Variants in SDHAF2 observed in about 807,000 individuals in gnomAD.
SDHAF2 encodes succinate dehydrogenase complex assembly factor 2.
Under a neutral mutation model 18.5 loss-of-function variants are expected in SDHAF2, and 21 were observed. That is an observed-to-expected ratio of 1.13 (90% CI 0.80 to 1.63). The LOEUF (loss-of-function observed/expected upper bound fraction) is 1.63, where lower values mean the gene tolerates loss of function less well. Among genes scored for constraint, SDHAF2 ranks in the 40% most tolerant of loss-of-function variants. The pLI is 0.00. For missense variants in SDHAF2, 195 were observed against 200.3 expected (o/e 0.97, Z 0.16); for synonymous variants, 84 against 70.7 (o/e 1.19, Z -0.94).
chr11:61,444,787 G>T (rs1862118181), intron 3 of SDHAF2, among the ~76,000 whole-genome samples: 1 of 152,084 alleles, frequency 6.6e-6, no homozygotes, highest in Non-Finnish European at 1.5e-5. Flanking sequence ...TTACCCATTT[G>T]TATGATGTCC....
intron 3 of SDHAF2, among the ~76,000 whole-genome samples, chr11:61,439,373 A>G (rs983852655): frequency 2.6e-5 from 4 of 152,324 alleles, no homozygotes; most frequent in African/African-American, 9.6e-5. Flanking sequence ...GATCCCGCTC[A>G]GGAAATTATC....
At chr11:61,439,273 C>T (rs1862035579) in intron 3 of SDHAF2, among the ~76,000 whole-genome samples, 1 of 152,166 alleles carries the variant, frequency 6.6e-6, no homozygotes, top group South Asian at 2.1e-4. Context: ...GCTGCTCTTT[C>T]ATCCTAGCAT....
chr11:61,437,482 G>T, intron 1 of SDHAF2, 143 bp from the exon 2 acceptor site: 2 of 798,850 alleles, frequency 2.5e-6, no homozygotes, highest in Non-Finnish European at 4.4e-6. Context: ...GATTACAGGT[G>T]TGCGCCACCA....
rs546992794 is a variant in SDHAF2 at position 61,442,861 on chromosome 11, C to T, written c.371-3080C>T. ...CTCTGCCTCCTGGGTCCAAGCGATT[C>T]TTGTGCCTCAGGCTCCTGAGCAACT... On this transcript the variant is annotated intron_variant, in intron 3 of 3. Coordinates refer to ENST00000301761, the MANE Select transcript of SDHAF2 (RefSeq NM_017841.4). Among the ~76,000 whole-genome samples the T allele has an allele frequency of 2.6e-5, 4 of 152,338 alleles. No homozygotes were observed. The South Asian group carries it at 8.3e-4, about 32-fold the overall frequency.
At chr11:61,438,824 C>T (rs969119167) in intron 3 of SDHAF2, among the ~76,000 whole-genome samples, 21 of 152,118 alleles carry the variant, frequency 1.4e-4, no homozygotes, top group Admixed American at 3.9e-4. Flanking sequence ...GCGGATGGAT[C>T]GCTTGAGGTT....
At chr11:61,442,762 T>C (rs544002778) in intron 3 of SDHAF2, among the ~76,000 whole-genome samples, 3 of 152,264 alleles carry the variant, frequency 2.0e-5, no homozygotes, top group African/African-American at 7.2e-5. Flanking sequence ...GGGTTTTGTT[T>C]TTTGTTTTTT....
Position 61,445,955 on chromosome 11 carries a change from C to T in SDHAF2, c.385C>T (p.Pro129Ser), listed in dbSNP as rs1060503391. The change falls in exon 4 of 4, where the codon CCA becomes TCA. Residue 129 changes from proline to serine, a missense_variant. Physicochemically the swap from Pro to Ser is moderately conservative, Grantham distance 74. Coordinates refer to ENST00000301761, the MANE Select transcript of SDHAF2 (RefSeq NM_017841.4). ...YYWATEAKPAPEIFENEVMAL... is the reference protein window; with the variant it reads ...YYWATEAKPASEIFENEVMAL... ...TTCTCTTGCAGAAGCTAAACCAGCC[C>T]CAGAAATATTTGAAAATGAAGTCAT... 6 of 1,614,086 alleles carry T rather than the reference C, an allele frequency of 3.7e-6. No individual in the cohort carries two copies. The highest frequency in any genetic ancestry group is 1.3e-5 in the African/African-American group (1 of 75,006).
rs886405444 is a variant in SDHAF2, at chr11:61,446,683, T to C, written c.*612T>C. On this transcript the variant is annotated 3_prime_UTR_variant, in exon 4 of 4. Transcript: ENST00000301761. ...TCATCATTGGGCTTTCTTTAAAACG[T>C]GCACTTTGTAATTTGAAAGAGAATT... The C allele has an allele frequency of 5.0e-6, 2 of 399,646 alleles. No individual in the cohort carries two copies. Among genetic ancestry groups the C allele is most frequent in the Non-Finnish European group, 8.8e-6 (2 of 226,892 alleles). 24.8% of individuals were successfully genotyped at this position (399,646 alleles called of 1,614,324 possible).
At chr11:61,445,754 G>A (rs1167959800) in intron 3 of SDHAF2, among the ~76,000 whole-genome samples, 187 bp from the exon 4 acceptor site, 1 of 152,172 alleles carries the variant, frequency 6.6e-6, no homozygotes, top group African/African-American at 2.4e-5. Context: ...AAAACGACTT[G>A]CAAATATAGG....
chr11:61,440,443 G>A (rs903557051), intron 3 of SDHAF2, among the ~76,000 whole-genome samples: 2 of 151,792 alleles, frequency 1.3e-5, no homozygotes, highest in Admixed American at 6.6e-5. Flanking sequence ...CTACTAAAAC[G>A]ACAAAAAATT....
At chr11:61,433,481 C>T (rs2134887341) in intron 1 of SDHAF2, 1 of 152,248 alleles carries the variant, frequency 6.6e-6, no homozygotes, top group Non-Finnish European at 1.5e-5. Context: ...AATAAGACAT[C>T]CCAATTATTA....
chr11:61,438,767 G>A (rs906397080), intron 3 of SDHAF2, among the ~76,000 whole-genome samples: 6 of 152,154 alleles, frequency 3.9e-5, no homozygotes, highest in Non-Finnish European at 7.3e-5. Flanking sequence ...CATTCTGGCC[G>A]GCCGCAGTGG....
At chr11:61,436,843 C>T in intron 1 of SDHAF2, 1 of 1,281,478 alleles carries the variant, frequency 7.8e-7, no homozygotes, top group Middle Eastern at 2.2e-4. Flanking sequence ...CCATCTTCAC[C>T]TCTTGCTGAG....
chr11:61,430,644 A>C, intron 1 of SDHAF2: 1 of 180,876 alleles, frequency 5.5e-6, no homozygotes. Context: ...TAGCATGTCC[A>C]TCACCTCAAA....
intron 3 of SDHAF2, among the ~76,000 whole-genome samples, chr11:61,440,257 A>T (rs936425259): frequency 1.3e-5 from 2 of 152,128 alleles, no homozygotes; most frequent in African/African-American, 4.8e-5. Context: ...GTGAGCCAAG[A>T]TCACGCCACT....
intron 1 of SDHAF2, chr11:61,434,753 G>C (rs10792313): frequency 0.72 from 103,711 of 143,126 alleles, 41,010 homozygotes; most frequent in East Asian, 0.97. Flanking sequence ...TTTTTGAGAC[G>C]GAGTCTCGCT....
At chr11:61,437,398 G>A (rs551916872) in intron 1 of SDHAF2, among the ~76,000 whole-genome samples, 31 of 152,116 alleles carry the variant, frequency 2.0e-4, no homozygotes, top group African/African-American at 6.7e-4. Flanking sequence ...ACAGGGTCTC[G>A]CTATGTTGCT....
In SDHAF2 at chr11:61,437,685, C is replaced by T. The variant is rs144867876; in HGVS notation, c.97C>T (p.Arg33Cys). 257 of 1,614,212 alleles carry T rather than the reference C, an allele frequency of 1.6e-4. 1 individual carries two copies. The East Asian group carries it at 3.2e-3, about 20-fold the overall frequency. The change falls in exon 2 of 4, where the codon CGC becomes TGC. Residue 33 changes from arginine (R) to cysteine (C), a missense_variant. By Grantham distance (180) the Arg-to-Cys change is radical. Transcript: ENST00000301761. ...SPLLSVTSFR[R>C]FYRGDSPTDS... is the part of the protein sequence containing the mutation. ...TTTGCTCAGTGTGACATCATTCAGA[C>T]GCTTCTACAGAGGTGACAGCCCAAC...
In SDHAF2 at chr11:61,430,586, TATA is replaced by T. The variant is rs1350380152; in HGVS notation, c.36+407_36+409del. 6 of 272,132 alleles carry T rather than the reference TATA, an allele frequency of 2.2e-5. No homozygotes were observed. In the East Asian group the frequency reaches 3.2e-4, roughly 14 times the overall value. 16.9% of individuals were successfully genotyped at this position (272,132 alleles called of 1,614,324 possible). On this transcript the variant is annotated intron_variant, in intron 1 of 3. Transcript: ENST00000301761. ...ATTGTACGTGTTTATGGGGGTACAG[TATA>T]ATGTTTTAATACATGTGTACATCGA...
Sources: allele counts gnomAD v4.1 joint callset (sites outside exome capture counted in the v4.1 genomes callset), GRCh38; gene constraint gnomAD v4.1.1; transcripts MANE v1.5; gene names NCBI Gene and HGNC (gene_info 2026-07-23, HGNC 2026-07-21).